Variants in BANK1 observed in about 807,000 individuals in gnomAD.
BANK1 encodes B cell scaffold protein with ankyrin repeats 1.
BANK1 carries 95 observed loss-of-function variants against 94.5 expected under a neutral mutation model. That is an observed-to-expected ratio of 1.00 (90% CI 0.85 to 1.19). The LOEUF (loss-of-function observed/expected upper bound fraction) is 1.19, where lower values mean the gene tolerates loss of function less well. Among genes scored for constraint, BANK1 ranks in the 50% most tolerant of loss-of-function variants. The probability of loss-of-function intolerance (pLI) is 0.00; values close to 1 mark genes in which losing one functional copy is unlikely to be tolerated. For missense variants in BANK1, 987 were observed against 932.2 expected, an observed-to-expected ratio of 1.06 and a Z score of -0.77; for synonymous variants, 334 against 308.4, an observed-to-expected ratio of 1.08 and a Z score of -0.87.
intron 10 of BANK1, among the ~76,000 whole-genome samples, chr4:102,043,242 GGTGA>G (rs1472383625): frequency 2.0e-5 from 3 of 151,596 alleles, no homozygotes; most frequent in Non-Finnish European, 2.9e-5. Context: ...TGCAAAATGG[GGTGA>G]GTAATGCTGA....
chr4:101,892,947 C>A (rs1721930464), intron 5 of BANK1, among the ~76,000 whole-genome samples: 1 of 151,898 alleles, frequency 6.6e-6, no homozygotes, highest in African/African-American at 2.4e-5. Flanking sequence ...TTTTTCATAG[C>A]CATTTCTGTG....
chr4:102,024,279 A>C (rs1365405088), intron 8 of BANK1, among the ~76,000 whole-genome samples: 1 of 152,146 alleles, frequency 6.6e-6, no homozygotes, highest in African/African-American at 2.4e-5. Flanking sequence ...TGACAAGGAA[A>C]ACAATTCACA....
chr4:101,851,372 G>T (rs142537512), intron 2 of BANK1, among the ~76,000 whole-genome samples: 7 of 152,162 alleles, frequency 4.6e-5, no homozygotes, highest in African/African-American at 1.2e-4. Flanking sequence ...CTAACTAGGC[G>T]TGGATTTATT....
At chr4:101,940,437 T>A (rs1723704095) in intron 7 of BANK1, among the ~76,000 whole-genome samples, 1 of 151,760 alleles carries the variant, frequency 6.6e-6, no homozygotes, top group South Asian at 2.1e-4. Flanking sequence ...GAACCAATAT[T>A]GATACATTAC....
intron 10 of BANK1, among the ~76,000 whole-genome samples, chr4:102,030,479 G>C (rs960912160): frequency 6.6e-6 from 1 of 150,950 alleles, no homozygotes; most frequent in Non-Finnish European, 1.5e-5. Flanking sequence ...TACATGTGCA[G>C]AACGTGCAGT....
intron 10 of BANK1, among the ~76,000 whole-genome samples, chr4:102,043,184 C>T (rs938770495): frequency 6.6e-6 from 1 of 151,970 alleles, no homozygotes; most frequent in Admixed American, 6.6e-5. Context: ...CTATATGGAA[C>T]TTTGTGGGTC....
chr4:101,986,787 G>GTGTGTATATATGTGTATATATA (rs1725493715), intron 7 of BANK1, among the ~76,000 whole-genome samples: 1 of 89,162 alleles, frequency 1.1e-5, no homozygotes, highest in Non-Finnish European at 2.3e-5. Context: ...TTATATATGT[G>GTGTGTATATATGTGTATATATA]TGTATATATA....
chr4:101,871,591 G>A (rs1728289225), intron 5 of BANK1, among the ~76,000 whole-genome samples: 1 of 152,062 alleles, frequency 6.6e-6, no homozygotes, highest in Non-Finnish European at 1.5e-5. Flanking sequence ...TAAACATTAA[G>A]ACAGGTAGTG....
chr4:101,821,445 CTT>C (rs760271627), intron 1 of BANK1, among the ~76,000 whole-genome samples: 15 of 152,138 alleles, frequency 9.9e-5, no homozygotes, highest in Non-Finnish European at 1.9e-4. Context: ...TTCAGAAACT[CTT>C]GTTTAATTAG....
At position 101,855,182 on chromosome 4, in the gene BANK1, C is replaced by T; in HGVS notation, c.617C>T (p.Pro206Leu). The change falls in exon 3 of 17, where the codon CCA becomes CTA. Residue 206 changes from proline (P) to leucine (L), a missense_variant. Coordinates refer to ENST00000322953, the MANE Select transcript of BANK1 (RefSeq NM_017935.5). Reference protein sequence around the residue: ...PLAVVLPTEIPCENPGEIFII... With the variant: ...PLAVVLPTEILCENPGEIFII... ...GCAGTGGTGCTTCCCACTGAAATTC[C>T]ATGTGAGGTCAGTAAAGATACCTTG... The T allele has an allele frequency of 1.2e-6, 2 of 1,612,466 alleles. No homozygotes were observed. The highest frequency in any genetic ancestry group is 1.7e-4 in the Middle Eastern group (1 of 6,050).
chr4:101,988,322 A>G (rs1725583851), intron 7 of BANK1, among the ~76,000 whole-genome samples: 1 of 152,156 alleles, frequency 6.6e-6, no homozygotes, highest in Non-Finnish European at 1.5e-5. Flanking sequence ...CAGCTTTTAG[A>G]GTTCTAATTA....
At chr4:101,908,996 T>C (rs1171123103) in intron 6 of BANK1, among the ~76,000 whole-genome samples, 4 of 152,212 alleles carry the variant, frequency 2.6e-5, no homozygotes, top group Admixed American at 6.5e-5. Flanking sequence ...GAAGACAGTG[T>C]GGTGATTCCT....
intron 7 of BANK1, among the ~76,000 whole-genome samples, chr4:101,936,406 C>T (rs2851336): frequency 0.42 from 62,867 of 149,246 alleles, 13,717 homozygotes; most frequent in African/African-American, 0.48. Flanking sequence ...TATATATGTG[C>T]GTATGCATGT....
intron 7 of BANK1, among the ~76,000 whole-genome samples, chr4:101,931,595 C>T (rs1383655768): frequency 1.3e-5 from 2 of 151,540 alleles, no homozygotes; most frequent in Non-Finnish European, 3.0e-5. Flanking sequence ...AGTTCCTTAT[C>T]ATTAATCTCT....
At chr4:101,934,911 G>A (rs1197467182) in intron 7 of BANK1, among the ~76,000 whole-genome samples, 1 of 151,428 alleles carries the variant, frequency 6.6e-6, no homozygotes, top group African/African-American at 2.4e-5. Flanking sequence ...GCAGTACCAT[G>A]GCTAACTCTC....
intron 5 of BANK1, among the ~76,000 whole-genome samples, chr4:101,892,890 C>G (rs1721929137): frequency 6.6e-6 from 1 of 151,892 alleles, no homozygotes; most frequent in Non-Finnish European, 1.5e-5. Flanking sequence ...CTACTCCAGT[C>G]AGATATTTTT....
intron 7 of BANK1, among the ~76,000 whole-genome samples, chr4:102,007,081 A>AAT (rs1227368517): frequency 3.1e-5 from 2 of 64,908 alleles, no homozygotes; most frequent in African/African-American, 4.6e-5. Flanking sequence ...TATATATATA[A>AAT]ATATATATAT....
intron 7 of BANK1, among the ~76,000 whole-genome samples, chr4:101,992,998 G>A (rs766393726): frequency 2.0e-5 from 3 of 152,122 alleles, no homozygotes; most frequent in South Asian, 2.1e-4. Context: ...TAAATGTGTA[G>A]GTTCACAAGC....
intron 1 of BANK1, among the ~76,000 whole-genome samples, chr4:101,821,549 C>A: frequency 6.6e-6 from 1 of 152,088 alleles, no homozygotes; most frequent in East Asian, 1.9e-4. Flanking sequence ...GATGGTATTG[C>A]CTAGGTTGTC....
Sources: allele counts gnomAD v4.1 joint callset (sites outside exome capture counted in the v4.1 genomes callset), GRCh38; gene constraint gnomAD v4.1.1; transcripts MANE v1.5; gene names NCBI Gene and HGNC (gene_info 2026-07-23, HGNC 2026-07-21).